The following ACSS3 variants were observed in gnomAD, a reference collection of about 807,000 sequenced individuals.
ACSS3 encodes the protein acyl-CoA synthetase short chain family member 3, also known as acyl-CoA synthetase short-chain family member 3, mitochondrial.
In ACSS3, 64 loss-of-function variants were observed where a neutral mutation model predicts 84.2. That is an observed-to-expected ratio of 0.76 (90% CI 0.62 to 0.94). The LOEUF (loss-of-function observed/expected upper bound fraction) is 0.94, where lower values mean the gene tolerates loss of function less well. Ranked by LOEUF, ACSS3 falls within the 40% of genes least tolerant of loss-of-function variation. The pLI, the probability that ACSS3 is intolerant of heterozygous loss-of-function variation, is 0.00. For synonymous variants in ACSS3, 317 were observed against 310.1 expected, an observed-to-expected ratio of 1.02 and a Z score of -0.23; for missense variants, 815 against 867.6, an observed-to-expected ratio of 0.94 and a Z score of 0.76.
chr12:81,245,048 T>C (rs1316150846), intron 13 of ACSS3, among the ~76,000 whole-genome samples: 5 of 152,278 alleles, frequency 3.3e-5, no homozygotes, highest in African/African-American at 1.2e-4. Flanking sequence ...GCTGGTGTAT[T>C]GGTAAGATGC....
At chr12:81,227,812 T>A (rs115596306) in intron 11 of ACSS3, among the ~76,000 whole-genome samples, 71 of 151,980 alleles carry the variant, frequency 4.7e-4, no homozygotes, top group African/African-American at 1.7e-3. Flanking sequence ...ACGATTTGAA[T>A]GATACCATCA....
intron 9 of ACSS3, among the ~76,000 whole-genome samples, chr12:81,212,745 T>C (rs139817758): frequency 0.019 from 2,850 of 152,296 alleles, 50 homozygotes; most frequent in Non-Finnish European, 0.025. Flanking sequence ...GAGTCAGAAA[T>C]TTTAAAGTAA....
At chr12:81,111,128 TA>T (rs1241744528) in intron 2 of ACSS3, among the ~76,000 whole-genome samples, 1 of 151,734 alleles carries the variant, frequency 6.6e-6, no homozygotes, top group Non-Finnish European at 1.5e-5. Flanking sequence ...GATTTAAACA[TA>T]AAAAAAGACC....
At chr12:81,194,870 AT>A (rs1466494123) in intron 8 of ACSS3, among the ~76,000 whole-genome samples, 3 of 150,824 alleles carry the variant, frequency 2.0e-5, no homozygotes, top group South Asian at 2.1e-4. Flanking sequence ...CAAAAAAAAA[AT>A]TACAGCTTGC....
intron 9 of ACSS3, among the ~76,000 whole-genome samples, chr12:81,202,110 C>T (rs12304427): frequency 0.03 from 4,603 of 151,930 alleles, 225 homozygotes; most frequent in African/African-American, 0.11. Context: ...AAACCTGTCT[C>T]TACTAAAAAT....
At chr12:81,203,049 G>A (rs1407287799) in intron 9 of ACSS3, among the ~76,000 whole-genome samples, 1 of 152,140 alleles carries the variant, frequency 6.6e-6, no homozygotes, top group East Asian at 1.9e-4. Context: ...CTCAGTCCAA[G>A]TCCAAAGGCC....
chr12:81,171,514 G>A (rs1733352862), intron 7 of ACSS3, among the ~76,000 whole-genome samples: 1 of 151,970 alleles, frequency 6.6e-6, no homozygotes, highest in Non-Finnish European at 1.5e-5. Flanking sequence ...AAAACACAAA[G>A]CAATTGAACT....
At chr12:81,115,422 G>A (rs1263527343) in intron 2 of ACSS3, among the ~76,000 whole-genome samples, 1 of 151,948 alleles carries the variant, frequency 6.6e-6, no homozygotes, top group Non-Finnish European at 1.5e-5. Context: ...GACAAATGAA[G>A]TTGAACTTCT....
At chr12:81,178,762 C>T in intron 8 of ACSS3, among the ~76,000 whole-genome samples, 1 of 152,060 alleles carries the variant, frequency 6.6e-6, no homozygotes, top group Non-Finnish European at 1.5e-5. Context: ...ATCAAGTTAC[C>T]AATGACACTT....
At chr12:81,165,051 A>G (rs1887334874) in intron 7 of ACSS3, among the ~76,000 whole-genome samples, 1 of 152,220 alleles carries the variant, frequency 6.6e-6, no homozygotes, top group South Asian at 2.1e-4. Flanking sequence ...GATTCAGGCT[A>G]TATAATTTGA....
At chr12:81,090,714 C>T (rs1881614644) in intron 1 of ACSS3, among the ~76,000 whole-genome samples, 1 of 152,010 alleles carries the variant, frequency 6.6e-6, no homozygotes, top group East Asian at 1.9e-4. Context: ...CTCTCCTTAG[C>T]TCATTCATTG....
rs1260720117 is a variant in ACSS3, at chr12:81,256,308, T to C, written c.*1386T>C. On this transcript the variant is annotated 3_prime_UTR_variant, in exon 16 of 16. Coordinates refer to ENST00000548058, the MANE Select transcript of ACSS3 (RefSeq NM_024560.4). ...TTAAAATAATAACTCATTAAAAATA[T>C]TGTAATGTCCAAAAGTATCTTTCCA... 6.6e-6 allele frequency: 1 copy of C among 152,200 alleles called. No homozygotes were observed. The highest frequency in any genetic ancestry group is 2.4e-5 in the African/African-American group (1 of 41,462). The allele number at this position is 152,200 out of a possible 1,614,324, so 9.4% of individuals were successfully genotyped here.
At chr12:81,218,702 G>T (rs2033006345) in intron 10 of ACSS3, among the ~76,000 whole-genome samples, 1 of 152,080 alleles carries the variant, frequency 6.6e-6, no homozygotes, top group African/African-American at 2.4e-5. Flanking sequence ...GATGGTGGAA[G>T]ACGTTAAACA....
At chr12:81,154,293 C>T (rs1018231263) in intron 7 of ACSS3, among the ~76,000 whole-genome samples, 11 of 152,124 alleles carry the variant, frequency 7.2e-5, no homozygotes, top group East Asian at 3.9e-4. Flanking sequence ...ACATATTTTG[C>T]GCTATTTACC....
rs767921856 is a variant in ACSS3, at chr12:81,143,182, G to T, written c.856G>T (p.Val286Phe). Residue 286 changes from valine (V) to phenylalanine (F), a missense_variant, in exon 5 of 16, where the codon GTT becomes TTT. Val to Phe is a conservative substitution (Grantham distance 50, BLOSUM62 -1). Transcript: ENST00000548058. The stretch of plus-strand genomic sequence containing the variant: ...GGCAAAAGCCCAGTCACATGACTGT[G>T]TTCCTGTTCTTTCAGAACACCCACT... ...EMAKAQSHDC[V>F]PVLSEHPLYI... The T allele has an allele frequency of 3.1e-6, 5 of 1,613,552 alleles. No individual in the cohort carries two copies. The East Asian group carries it at 1.1e-4, about 36-fold the overall frequency.
In ACSS3 at chr12:81,078,416, C is replaced by G. The variant is rs747945335; in HGVS notation, c.296C>G (p.Ser99Trp). The G allele has an allele frequency of 6.8e-6, 11 of 1,612,420 alleles. No homozygotes were observed. The highest frequency in any genetic ancestry group is 1.1e-5 in the South Asian group (1 of 91,074). Residue 99 changes from serine (S) to tryptophan (W), a missense_variant, in exon 1 of 16, where the codon TCG (serine) becomes TGG (tryptophan). Physicochemically the swap from Ser to Trp is radical, Grantham distance 177. Transcript: ENST00000548058. Reference protein sequence around the residue: ...PWTKTLENKHSPSTRWFVEGM... With the variant: ...PWTKTLENKHWPSTRWFVEGM... ...ACCAAAACGCTGGAGAACAAACACT[C>G]GCCCTCTACCAGGTGGTGAGTGACT... is the stretch of plus-strand genomic sequence containing the variant.
At chr12:81,179,785 A>G (rs1056563312) in intron 8 of ACSS3, among the ~76,000 whole-genome samples, 1 of 151,954 alleles carries the variant, frequency 6.6e-6, no homozygotes, top group Admixed American at 6.6e-5. Context: ...TCTCAAAAAA[A>G]AAAAAAAAAA....
In ACSS3 at chr12:81,199,468, A is replaced by G. The variant is rs201299836; in HGVS notation, c.1354+24A>G. On this transcript the variant is annotated intron_variant, in intron 9 of 15. Transcript: ENST00000548058. ...TGGTAAGCATTTTCCTAGCATGTAC[A>G]TAAATAGTAAAGAAATGTTCCAAAA... 14 of 1,593,260 alleles carry G rather than the reference A, an allele frequency of 8.8e-6. No individual in the cohort carries two copies. The East Asian group carries it at 2.5e-4, about 28-fold the overall frequency.
intron 1 of ACSS3, among the ~76,000 whole-genome samples, chr12:81,102,646 C>T (rs994896349): frequency 6.0e-5 from 9 of 150,014 alleles, no homozygotes; most frequent in Admixed American, 5.4e-4. Flanking sequence ...CATGTTGAAA[C>T]CCCATTTCTA....
Sources: allele counts gnomAD v4.1 joint callset (sites outside exome capture counted in the v4.1 genomes callset), GRCh38; gene constraint gnomAD v4.1.1; transcripts MANE v1.5; gene names NCBI Gene and HGNC (gene_info 2026-07-23, HGNC 2026-07-21).